The following ABHD13 variants were observed in gnomAD, a reference collection of about 807,000 sequenced individuals.
ABHD13 encodes abhydrolase domain containing 13.
Under a neutral mutation model 25.2 loss-of-function variants are expected in ABHD13, and 7 were observed. The ratio of observed to expected loss-of-function variants is 0.28; its 90% CI spans 0.16 to 0.52. The LOEUF (loss-of-function observed/expected upper bound fraction) is 0.52. ABHD13 is among the 20% of genes least tolerant of loss of function. ABHD13 has a pLI of 0.96. For synonymous variants in ABHD13, 133 were observed against 136.1 expected (o/e 0.98, Z 0.16); for missense variants, 302 against 402.7 (o/e 0.75, Z 2.14).
chr13:108,230,057 A>G lies in ABHD13; in HGVS notation c.839A>G (p.Tyr280Cys), dbSNP rs778031835. Residue 280 changes from tyrosine to cysteine, a missense_variant, in exon 2 of 2, where the codon TAT becomes TGT. Tyr to Cys is a radical substitution (Grantham distance 194, BLOSUM62 -2). Coordinates refer to ENST00000375898, the MANE Select transcript of ABHD13 (RefSeq NM_032859.3). ...CCACCAGTAATGATGAAACAACTTT[A>G]TGAACTCTCCCCATCTCGGACTAAG... ...LIPPVMMKQL[Y>C]ELSPSRTKRL... 6.2e-7 allele frequency: 1 copy of G among 1,613,150 alleles called. No individual in the cohort carries two copies. Among genetic ancestry groups the G allele is most frequent in the East Asian group, 2.2e-5 (1 of 44,850 alleles).
chr13:108,225,327 T>A (rs950144176), intron 1 of ABHD13, among the ~76,000 whole-genome samples: 1 of 152,254 alleles, frequency 6.6e-6, no homozygotes, highest in South Asian at 2.1e-4. Flanking sequence ...GAATAATTCA[T>A]ACACAGGTGT....
chr13:108,231,254 G>A lies in ABHD13; in HGVS notation c.*1022G>A, dbSNP rs1351858551. The A allele has an allele frequency of 1.2e-5, 2 of 166,698 alleles. No homozygotes were observed. The highest frequency in any genetic ancestry group is 2.9e-5 in the Non-Finnish European group (2 of 67,932). The allele number at this position is 166,698 out of a possible 1,614,324, so 10.3% of individuals were successfully genotyped here. ...CAAGATATCATTTATTGGACTTCTT[G>A]AAAATAAAAGTTACAAAATCCAACA... On this transcript the variant is annotated 3_prime_UTR_variant, in exon 2 of 2. Coordinates refer to ENST00000375898, the MANE Select transcript of ABHD13 (RefSeq NM_032859.3).
At chr13:108,225,962 T>C (rs1163695238) in intron 1 of ABHD13, among the ~76,000 whole-genome samples, 3 of 152,132 alleles carry the variant, frequency 2.0e-5, no homozygotes, top group African/African-American at 7.2e-5. Flanking sequence ...GCAAATGGAT[T>C]TCACATGCAG....
chr13:108,220,282 C>T (rs1022432458), intron 1 of ABHD13, among the ~76,000 whole-genome samples: 1 of 152,060 alleles, frequency 6.6e-6, no homozygotes, highest in African/African-American at 2.4e-5. Context: ...ACACTGCCCT[C>T]TTCTTGGGCA....
rs1463557856 is a variant in ABHD13, at chr13:108,231,175, T to C, written c.*943T>C. 1.2e-5 allele frequency: 2 copies of C among 166,872 alleles called. No individual in the cohort carries two copies. The highest frequency in any genetic ancestry group is 4.8e-5 in the African/African-American group (2 of 41,550). The allele number at this position is 166,872 out of a possible 1,614,324, so 10.3% of individuals were successfully genotyped here. ...GATTGTACATACTACTTTATAAAAA[T>C]TCTCACCTTTGATTTTAAATCCCAG... On this transcript the variant is annotated 3_prime_UTR_variant, in exon 2 of 2. Coordinates refer to ENST00000375898, the MANE Select transcript of ABHD13 (RefSeq NM_032859.3).
rs987829250 is a variant in ABHD13, at chr13:108,229,249, G to A, written c.31G>A (p.Val11Ile). ...AAAGTCCTGGATGCTGTGGAACTTT[G>A]TTGAAAGATGGCTAATAGCCTTGGC... MEKSWMLWNF[V>I]ERWLIALASW... Residue 11 changes from valine (V) to isoleucine (I), a missense_variant, in exon 2 of 2, where the codon GTT (valine) becomes ATT (isoleucine). By Grantham distance (29) the Val-to-Ile change is conservative. Coordinates refer to ENST00000375898, the MANE Select transcript of ABHD13 (RefSeq NM_032859.3). This position sits in a 1 kb window ranked among gnomAD's most constrained non-coding sequence, Gnocchi z 4.7. The A allele has an allele frequency of 7.7e-6, 12 of 1,568,524 alleles. No homozygotes were observed. The Admixed American group carries it at 1.4e-4, about 18-fold the overall frequency.
intron 1 of ABHD13, among the ~76,000 whole-genome samples, chr13:108,226,720 A>G (rs904866835): frequency 6.6e-6 from 1 of 152,182 alleles, no homozygotes; most frequent in Non-Finnish European, 1.5e-5. Flanking sequence ...TTGTTTTTAC[A>G]TCTCAGCAGA....
chr13:108,232,267 T>C lies in ABHD13; in HGVS notation c.*2035T>C, dbSNP rs1022343321. ...TTTTTGATACTCCAGGTTTATAAAC[T>C]ATCTTTTAAAATTTTAAGCCAGGAC... On this transcript the variant is annotated 3_prime_UTR_variant, in exon 2 of 2. Coordinates refer to ENST00000375898, the MANE Select transcript of ABHD13 (RefSeq NM_032859.3). The C allele has an allele frequency of 6.0e-6, 1 of 166,904 alleles. No individual in the cohort carries two copies. The highest frequency in any genetic ancestry group is 1.5e-5 in the Non-Finnish European group (1 of 68,012). 10.3% of individuals were successfully genotyped at this position (166,904 alleles called of 1,614,324 possible).
At chr13:108,223,115 C>T (rs1879601600) in intron 1 of ABHD13, among the ~76,000 whole-genome samples, 1 of 152,142 alleles carries the variant, frequency 6.6e-6, no homozygotes, top group African/African-American at 2.4e-5. Context: ...CTCACGTTTG[C>T]TTGATTTTGT....
intron 1 of ABHD13, among the ~76,000 whole-genome samples, chr13:108,218,862 G>C (rs1879462885): frequency 6.6e-6 from 1 of 151,954 alleles, no homozygotes; most frequent in Non-Finnish European, 1.5e-5. Flanking sequence ...ACCAGCCCGG[G>C]GTGCAGCCCT....
At chr13:108,223,531 A>G (rs929226110) in intron 1 of ABHD13, among the ~76,000 whole-genome samples, 4 of 152,226 alleles carry the variant, frequency 2.6e-5, no homozygotes, top group African/African-American at 9.6e-5. Context: ...ATTCTTAAGT[A>G]AAACTGGATT....
chr13:108,221,206 A>T (rs1367465926), intron 1 of ABHD13, among the ~76,000 whole-genome samples: 6 of 152,248 alleles, frequency 3.9e-5, no homozygotes, highest in Non-Finnish European at 7.3e-5. Context: ...CATTTGTCCC[A>T]TAGGACTATT....
rs758068537 is a variant in ABHD13 at position 108,229,224 on chromosome 13, A to G, written c.6A>G (p.Glu2=). ...GATACTTACAGAGAGCTACAATGGA[A>G]AAGTCCTGGATGCTGTGGAACTTTG... M[E]KSWMLWNFVE... Residue 2 remains glutamate, a synonymous_variant, in exon 2 of 2, where the codon GAA becomes GAG. Transcript: ENST00000375898. The surrounding 1 kb of genome is among the most constrained non-coding windows in gnomAD (Gnocchi z 4.7). 1.3e-6 allele frequency: 2 copies of G among 1,541,672 alleles called. No individual in the cohort carries two copies. Among genetic ancestry groups the G allele is most frequent in the South Asian group, 2.6e-5 (2 of 75,946 alleles).
At position 108,229,297 on chromosome 13, in the gene ABHD13, C is replaced by T. The variant is rs1331167874; in HGVS notation, c.79C>T (p.Arg27Cys). 10 of 1,609,456 alleles carry T rather than the reference C, an allele frequency of 6.2e-6. No individual in the cohort carries two copies. Among genetic ancestry groups the T allele is most frequent in the Admixed American group, 1.7e-5 (1 of 59,296 alleles). The change falls in exon 2 of 2, where the codon CGT becomes TGT. Residue 27 changes from arginine (R) to cysteine (C), a missense_variant. Physicochemically the swap from Arg to Cys is radical, Grantham distance 180. Transcript: ENST00000375898. The surrounding 1 kb of genome is among the most constrained non-coding windows in gnomAD (Gnocchi z 4.7). ...GGCTTCATGGTCTTGGGCTCTCTGC[C>T]GTATTTCTCTTTTACCTTTAATAGT... ...ALASWSWALC[R>C]ISLLPLIVTF...
At chr13:108,219,300 T>C (rs1879488513) in intron 1 of ABHD13, among the ~76,000 whole-genome samples, 1 of 152,144 alleles carries the variant, frequency 6.6e-6, no homozygotes, top group Admixed American at 6.5e-5. Context: ...GTAAAATGAA[T>C]TACTAGTATT....
rs1282411291 is a variant in ABHD13, at chr13:108,218,427, GGAGA to G, written c.-252_-249del. Reference sequence around the variant, plus strand: ...GGGTTCCCACTCCGGGAGCGGAGACGGAGAACAGGTTATGTGGGAGCCGGCGGGG... The same window carrying G: ...GGGTTCCCACTCCGGGAGCGGAGACGACAGGTTATGTGGGAGCCGGCGGGG... On this transcript the variant is annotated 5_prime_UTR_variant, in exon 1 of 2. Coordinates refer to ENST00000375898, the MANE Select transcript of ABHD13 (RefSeq NM_032859.3). 1 of 152,218 alleles carries G rather than the reference GGAGA, an allele frequency of 6.6e-6. No individual in the cohort carries two copies. Among genetic ancestry groups the G allele is most frequent in the Non-Finnish European group, 1.5e-5 (1 of 68,054 alleles). 9.4% of individuals were successfully genotyped at this position (152,218 alleles called of 1,614,324 possible). A position where few individuals can be genotyped will look rare whatever the true frequency, so the allele number is the denominator to read the frequency against.
intron 1 of ABHD13, among the ~76,000 whole-genome samples, chr13:108,226,533 G>C (rs1879675877): frequency 2.0e-5 from 3 of 152,120 alleles, no homozygotes; most frequent in Admixed American, 1.3e-4. Flanking sequence ...GTGCAGGAAG[G>C]TTAAGGAGAG....
Position 108,218,414 on chromosome 13 carries a change from C to G in ABHD13, c.-266C>G, listed in dbSNP as rs1043297886. On this transcript the variant is annotated 5_prime_UTR_variant, in exon 1 of 2. Coordinates refer to ENST00000375898, the MANE Select transcript of ABHD13 (RefSeq NM_032859.3). ...GGAAGAGCGGGCAGGGTTCCCACTC[C>G]GGGAGCGGAGACGGAGAACAGGTTA... The G allele has an allele frequency of 6.6e-6, 1 of 152,120 alleles. No homozygotes were observed. Among genetic ancestry groups the G allele is most frequent in the African/African-American group, 2.4e-5 (1 of 41,438 alleles). The allele number at this position is 152,120 out of a possible 1,614,324, so 9.4% of individuals were successfully genotyped here.
chr13:108,223,107 C>CA (rs1304847410), intron 1 of ABHD13, among the ~76,000 whole-genome samples: 1 of 152,186 alleles, frequency 6.6e-6, no homozygotes, highest in African/African-American at 2.4e-5. Context: ...ATTTTTTACT[C>CA]ACGTTTGCTT....
Sources: gnomAD v4.1 joint callset for allele counts (sites outside exome capture counted in the v4.1 genomes callset) on GRCh38, gnomAD v4.1.1 for gene constraint, Gnocchi (gnomAD v3.1) non-coding constraint, MANE v1.5 for transcripts, NCBI Gene and HGNC (gene_info 2026-07-23, HGNC 2026-07-21) for gene names.